Variants in INPP4B observed in about 807,000 individuals in gnomAD.
The protein encoded by INPP4B is inositol polyphosphate-4-phosphatase type II B.
INPP4B carries 55 observed loss-of-function variants against 122.5 expected under a neutral mutation model. The observed-to-expected ratio is 0.45, with a 90% CI of 0.36 to 0.56. The LOEUF (loss-of-function observed/expected upper bound fraction) is 0.56, where lower values mean the gene tolerates loss of function less well. Among genes scored for constraint, INPP4B ranks in the 20% least tolerant of loss-of-function variants. The pLI is 0.00. For missense variants in INPP4B, 1,000 were observed against 1,097.7 expected (o/e 0.91, Z 1.26); for synonymous variants, 403 against 388.7 (o/e 1.04, Z -0.43).
intron 1 of INPP4B, among the ~76,000 whole-genome samples, chr4:142,772,021 A>G (rs1773146461): frequency 1.3e-5 from 2 of 152,178 alleles, no homozygotes; most frequent in Non-Finnish European, 2.9e-5. Context: ...AGAAAAATAA[A>G]TCAAGAGTTC....
intron 25 of INPP4B, among the ~76,000 whole-genome samples, chr4:142,047,624 G>C (rs1454336629): frequency 4.6e-5 from 7 of 151,996 alleles, no homozygotes; most frequent in African/African-American, 1.4e-4. Flanking sequence ...ATACTCTTCG[G>C]CTCCCACAAA....
chr4:142,644,498 A>G (rs1050381141), intron 2 of INPP4B, among the ~76,000 whole-genome samples: 8 of 151,982 alleles, frequency 5.3e-5, no homozygotes, highest in Admixed American at 2.0e-4. Context: ...TATTTTGCCA[A>G]ACTTTGGTGA....
At chr4:142,595,886 G>A (rs1254391865) in intron 2 of INPP4B, among the ~76,000 whole-genome samples, 1 of 151,986 alleles carries the variant, frequency 6.6e-6, no homozygotes, top group African/African-American at 2.4e-5. Context: ...TTGAGATGGA[G>A]TCTTGTTGTG....
chr4:142,459,511 A>C (rs1218907462), intron 3 of INPP4B, among the ~76,000 whole-genome samples: 1 of 152,194 alleles, frequency 6.6e-6, no homozygotes, highest in Non-Finnish European at 1.5e-5. Flanking sequence ...GGATTTAAAA[A>C]TGTGAATAAA....
chr4:142,268,961 A>G (rs1744394885), intron 10 of INPP4B, among the ~76,000 whole-genome samples: 1 of 152,088 alleles, frequency 6.6e-6, no homozygotes, highest in Non-Finnish European at 1.5e-5. Flanking sequence ...ATTGCTCACA[A>G]TTCCTTGTGG....
At chr4:142,251,056 C>T (rs564481589) in intron 11 of INPP4B, among the ~76,000 whole-genome samples, 5 of 152,238 alleles carry the variant, frequency 3.3e-5, no homozygotes, top group African/African-American at 1.2e-4. Flanking sequence ...GAGTTTATGG[C>T]ACAACTATGG....
chr4:142,402,819 A>T (rs1579964497), intron 7 of INPP4B, 119 bp downstream of exon 7: 2 of 693,178 alleles, frequency 2.9e-6, no homozygotes, highest in East Asian at 5.2e-5. Flanking sequence ...CGATAAACAT[A>T]AGACAATCAT....
chr4:142,251,987 C>A (rs76271468), intron 11 of INPP4B, among the ~76,000 whole-genome samples: 5,834 of 152,234 alleles, frequency 0.038, 363 homozygotes, highest in African/African-American at 0.13. Context: ...AAAACCACAG[C>A]CTATCGCTTA....
rs1737588776 is a variant in INPP4B at position 142,028,063 on chromosome 4, C to T, written c.*719G>A. ...TAGATCATTGCAGTGTTTTGCTTAT[C>T]ATTCTATTAAACGTTCTATATTGCT... On this transcript the variant is annotated 3_prime_UTR_variant, in exon 26 of 26. Coordinates refer to ENST00000262992, the MANE Select transcript of INPP4B (RefSeq NM_001101669.3). 2 of 222,168 alleles carry T rather than the reference C, an allele frequency of 9.0e-6. No homozygotes were observed. Among genetic ancestry groups the T allele is most frequent in the Admixed American group, 1.2e-4 (2 of 17,362 alleles). 13.8% of individuals were successfully genotyped at this position (222,168 alleles called of 1,614,324 possible).
At chr4:142,791,083 G>C (rs1302166081) in intron 1 of INPP4B, among the ~76,000 whole-genome samples, 1 of 152,042 alleles carries the variant, frequency 6.6e-6, no homozygotes, top group African/African-American at 2.4e-5. Flanking sequence ...ATTATCTTTT[G>C]AACTTGGACT....
chr4:142,337,752 T>TAA (rs1491531265), intron 7 of INPP4B, among the ~76,000 whole-genome samples: 1 of 71,994 alleles, frequency 1.4e-5, no homozygotes, highest in African/African-American at 3.1e-5. Flanking sequence ...ATATTATATA[T>TAA]TTTATATATA....
intron 2 of INPP4B, among the ~76,000 whole-genome samples, chr4:142,512,811 T>A (rs527694730): frequency 3.9e-5 from 6 of 152,306 alleles, no homozygotes; most frequent in African/African-American, 1.2e-4. Context: ...TTTTAGTTCC[T>A]GATTATTTTA....
At chr4:142,810,333 C>A (rs1022211651) in intron 1 of INPP4B, among the ~76,000 whole-genome samples, 2 of 152,082 alleles carry the variant, frequency 1.3e-5, no homozygotes, top group African/African-American at 4.8e-5. Context: ...GAGGCTGCCA[C>A]TTATTATTTA....
chr4:142,378,749 C>A (rs1792936284), intron 7 of INPP4B, among the ~76,000 whole-genome samples: 1 of 152,130 alleles, frequency 6.6e-6, no homozygotes, highest in Non-Finnish European at 1.5e-5. Flanking sequence ...CATATACATA[C>A]AATTTTGTGA....
intron 7 of INPP4B, among the ~76,000 whole-genome samples, chr4:142,355,072 C>T (rs1256410116): frequency 6.6e-6 from 1 of 151,934 alleles, no homozygotes; most frequent in Admixed American, 6.6e-5. Flanking sequence ...CTGCGAAGCT[C>T]TCTCTCTGTG....
At chr4:142,135,842 G>A (rs1173973218) in intron 18 of INPP4B, among the ~76,000 whole-genome samples, 1 of 152,054 alleles carries the variant, frequency 6.6e-6, no homozygotes, top group Non-Finnish European at 1.5e-5. Flanking sequence ...TGTCGCCCAG[G>A]CTGGAGTGCA....
intron 2 of INPP4B, among the ~76,000 whole-genome samples, chr4:142,550,217 A>G (rs1727637287): frequency 6.6e-6 from 1 of 152,116 alleles, no homozygotes; most frequent in South Asian, 2.1e-4. Flanking sequence ...AATGCTCACT[A>G]TGTGGTGGGC....
intron 2 of INPP4B, among the ~76,000 whole-genome samples, chr4:142,659,516 AAACT>A (rs1205916888): frequency 1.3e-5 from 2 of 152,174 alleles, no homozygotes; most frequent in Non-Finnish European, 2.9e-5. Flanking sequence ...CCTACATTTG[AAACT>A]AACCCTGCTT....
At chr4:142,568,645 C>A (rs116528382) in intron 2 of INPP4B, among the ~76,000 whole-genome samples, 2 of 151,958 alleles carry the variant, frequency 1.3e-5, no homozygotes, top group Middle Eastern at 3.2e-3. Context: ...GGTCTCTTTG[C>A]CATCACTGAT....
Sources: allele counts gnomAD v4.1 joint callset (sites outside exome capture counted in the v4.1 genomes callset), GRCh38; gene constraint gnomAD v4.1.1; transcripts MANE v1.5; gene names NCBI Gene and HGNC (gene_info 2026-07-23, HGNC 2026-07-21).